Variants in ADGRV1 observed in about 807,000 individuals in gnomAD.
ADGRV1 encodes adhesion G protein-coupled receptor V1, also known as G-protein coupled receptor 98.
ADGRV1 carries 359 observed loss-of-function variants against 596.2 expected under a neutral mutation model. The ratio of observed to expected loss-of-function variants is 0.60; its 90% CI spans 0.55 to 0.66. The LOEUF (loss-of-function observed/expected upper bound fraction) is 0.66. Among genes scored for constraint, ADGRV1 ranks in the 30% least tolerant of loss-of-function variants. The pLI, the probability that ADGRV1 is intolerant of heterozygous loss-of-function variation, is 0.00. For synonymous variants in ADGRV1, 2,681 were observed against 2,679.2 expected, an observed-to-expected ratio of 1.00 and a Z score of -0.02; for missense variants, 7,274 against 7,575.6, an observed-to-expected ratio of 0.96 and a Z score of 1.48.
intron 87 of ADGRV1, among the ~76,000 whole-genome samples, chr5:91,147,559 G>A (rs1328926544): frequency 6.6e-6 from 1 of 152,132 alleles, no homozygotes; most frequent in African/African-American, 2.4e-5. Flanking sequence ...CTGCTTGCAC[G>A]CATTCTCTCT....
At chr5:90,765,961 G>C (rs931110339) in intron 59 of ADGRV1, among the ~76,000 whole-genome samples, 4 of 151,648 alleles carry the variant, frequency 2.6e-5, no homozygotes, top group Admixed American at 1.3e-4. Context: ...CCAGGCTGGA[G>C]TGCAGTGGCG....
At chr5:90,927,025 A>G (rs1486990042) in intron 83 of ADGRV1, among the ~76,000 whole-genome samples, 1 of 149,320 alleles carries the variant, frequency 6.7e-6, no homozygotes, top group Non-Finnish European at 1.5e-5. Flanking sequence ...CTGTTCTTTT[A>G]CATTTGCTGA....
intron 1 of ADGRV1, among the ~76,000 whole-genome samples, chr5:90,595,522 C>T (rs1318630987): frequency 8.5e-4 from 102 of 120,668 alleles, no homozygotes; most frequent in African/African-American, 3.2e-3. Flanking sequence ...CGGGCAGAGG[C>T]GCCCCTCACC....
intron 85 of ADGRV1, among the ~76,000 whole-genome samples, chr5:90,991,811 C>G (rs905369274): frequency 4.3e-4 from 65 of 151,996 alleles, no homozygotes; most frequent in African/African-American, 1.5e-3. Flanking sequence ...TAATTGTACT[C>G]TATGGGAAAT....
At chr5:90,571,291 A>G (rs1396154784) in intron 1 of ADGRV1, among the ~76,000 whole-genome samples, 1 of 152,026 alleles carries the variant, frequency 6.6e-6, no homozygotes, top group African/African-American at 2.4e-5. Flanking sequence ...TTCAGCCAGA[A>G]AATTTTCAAC....
At chr5:91,007,949 T>C (rs1782415160) in intron 85 of ADGRV1, among the ~76,000 whole-genome samples, 1 of 152,168 alleles carries the variant, frequency 6.6e-6, no homozygotes, top group Non-Finnish European at 1.5e-5. Context: ...CCAAATGATT[T>C]TTTACTCAAC....
At chr5:90,616,428 G>C (rs1239824393) in intron 2 of ADGRV1, among the ~76,000 whole-genome samples, 3 of 152,096 alleles carry the variant, frequency 2.0e-5, no homozygotes, top group Middle Eastern at 3.2e-3. Context: ...AAAATAATTA[G>C]ATCTTTATTG....
intron 89 of ADGRV1, among the ~76,000 whole-genome samples, chr5:91,156,269 CAG>C (rs1315599655): frequency 6.6e-6 from 1 of 151,886 alleles, no homozygotes; most frequent in African/African-American, 2.4e-5. Flanking sequence ...ATGAGGAAGT[CAG>C]GGGAGAAGAA....
chr5:90,656,981 T>G (rs530377854), intron 20 of ADGRV1, among the ~76,000 whole-genome samples: 1 of 152,102 alleles, frequency 6.6e-6, no homozygotes, highest in Admixed American at 6.5e-5. Flanking sequence ...TTACATCTAT[T>G]CTCTTAGTTG....
chr5:91,044,403 C>T (rs1785619054), intron 85 of ADGRV1, among the ~76,000 whole-genome samples: 1 of 152,124 alleles, frequency 6.6e-6, no homozygotes, highest in South Asian at 2.1e-4. Flanking sequence ...AATGATAATA[C>T]TTTCTATCAC....
chr5:90,739,540 G>A (rs1051622803), intron 50 of ADGRV1, among the ~76,000 whole-genome samples: 3 of 152,122 alleles, frequency 2.0e-5, no homozygotes, highest in African/African-American at 7.2e-5. Context: ...TATTTGGGCT[G>A]GGCTGTTACC....
At position 90,783,232 on chromosome 5, in the gene ADGRV1, G is replaced by A. The variant is rs532839486; in HGVS notation, c.13340G>A (p.Gly4447Asp). ...ISQSSSASPGGVDYILHGSTV... is the reference protein window; with the variant it reads ...ISQSSSASPGDVDYILHGSTV... ...CAGAGCTCCTCTGCCAGTCCCGGAG[G>A]TGTTGATTACATTTTGCATGGCAGT... The change falls in exon 66 of 90, where the codon GGT becomes GAT. Residue 4447 changes from glycine (G) to aspartate (D), a missense_variant. This residue lies in a region of ADGRV1 where 3,643 missense variants were observed against 3,809.2 expected (regional missense o/e 0.96). Coordinates refer to ENST00000405460, the MANE Select transcript of ADGRV1 (RefSeq NM_032119.4). 50 of 1,613,604 alleles carry A rather than the reference G, an allele frequency of 3.1e-5. 1 individual carries two copies. In the East Asian group the frequency reaches 6.0e-4, roughly 19 times the overall value.
intron 84 of ADGRV1, among the ~76,000 whole-genome samples, chr5:90,974,141 A>T (rs1411587183): frequency 1.3e-5 from 2 of 152,194 alleles, no homozygotes; most frequent in African/African-American, 4.8e-5. Flanking sequence ...CCAACTTACA[A>T]GGGACGTGAA....
At chr5:91,049,265 T>A (rs1247823340) in intron 85 of ADGRV1, among the ~76,000 whole-genome samples, 1 of 152,216 alleles carries the variant, frequency 6.6e-6, no homozygotes, top group African/African-American at 2.4e-5. Flanking sequence ...GTTTATGGAT[T>A]TGTCACTGGT....
At chr5:91,148,061 G>C (rs777791243) in intron 87 of ADGRV1, among the ~76,000 whole-genome samples, 1 of 152,300 alleles carries the variant, frequency 6.6e-6, no homozygotes, top group East Asian at 1.9e-4. Flanking sequence ...TTTTGAACTT[G>C]AGAGAGATAA....
intron 31 of ADGRV1, among the ~76,000 whole-genome samples, chr5:90,691,614 A>G (rs1304156665): frequency 1.3e-5 from 2 of 151,870 alleles, no homozygotes; most frequent in Non-Finnish European, 2.9e-5. Context: ...CGAACTCCTG[A>G]CCTCAGGTGA....
At chr5:90,676,303 A>C (rs1401195815) in intron 25 of ADGRV1, 94 bp downstream of exon 25, 8 of 1,139,022 alleles carry the variant, frequency 7.0e-6, no homozygotes, top group Non-Finnish European at 9.9e-6. Flanking sequence ...CTTTGAATTA[A>C]TCTTACTTAA....
chr5:90,573,075 GGC>G (rs1490220959), intron 1 of ADGRV1, among the ~76,000 whole-genome samples: 1 of 151,948 alleles, frequency 6.6e-6, no homozygotes, highest in Non-Finnish European at 1.5e-5. Flanking sequence ...AGAAATTTAA[GGC>G]CACCAGATTG....
chr5:90,918,586 A>T (rs1773592940), intron 83 of ADGRV1, among the ~76,000 whole-genome samples: 1 of 152,122 alleles, frequency 6.6e-6, no homozygotes, highest in Non-Finnish European at 1.5e-5. Flanking sequence ...TTGGATACTA[A>T]GTTTCTTAAT....
Sources: allele counts gnomAD v4.1 joint callset (sites outside exome capture counted in the v4.1 genomes callset), GRCh38; gene constraint gnomAD v4.1.1; regional missense constraint gnomAD v4.1.1; transcripts MANE v1.5; gene names NCBI Gene and HGNC (gene_info 2026-07-23, HGNC 2026-07-21).